Variants in ITGA8 observed in about 807,000 individuals in gnomAD.
ITGA8 encodes the protein integrin alpha-8.
ITGA8 carries 91 observed loss-of-function variants against 142.3 expected under a neutral mutation model. That is an observed-to-expected ratio of 0.64 (90% CI 0.54 to 0.76). The LOEUF is 0.76. ITGA8 is among the 30% of genes least tolerant of loss of function. ITGA8 has a pLI of 0.00. For synonymous variants in ITGA8, 505 were observed against 485.2 expected (o/e 1.04, Z -0.54); for missense variants, 1,406 against 1,327.7 (o/e 1.06, Z -0.92).
intron 10 of ITGA8, among the ~76,000 whole-genome samples, chr10:15,657,093 T>A (rs572369832): frequency 6.6e-6 from 1 of 152,328 alleles, no homozygotes; most frequent in African/African-American, 2.4e-5. Context: ...TGGCCTTTAC[T>A]CAGAGGAATT....
chr10:15,673,065 T>TTTTG (rs201950238), intron 6 of ITGA8, among the ~76,000 whole-genome samples: 45 of 152,162 alleles, frequency 3.0e-4, no homozygotes, highest in Admixed American at 4.6e-4. Flanking sequence ...GTGATGTAAT[T>TTTTG]TTTGTTTGTT....
rs188816962 is a variant in ITGA8 at position 15,719,438 on chromosome 10, G to C, written c.209+125C>G. 2.7e-4 allele frequency: 215 copies of C among 795,352 alleles called. 2 individuals carry two copies. The African/African-American group carries it at 3.4e-3, about 12-fold the overall frequency. 49.3% of individuals were successfully genotyped at this position (795,352 alleles called of 1,614,324 possible). On this transcript the variant is annotated intron_variant, in intron 1 of 29. Transcript: ENST00000378076. ...AGGGGCTGGTGGCGGGGAGAGGGAC[G>C]GGACCCCGGGCAGGCGGCAGGACGG...
chr10:15,719,586 G>A lies in ITGA8; in HGVS notation c.186C>T (p.Asp62=). 1 of 1,562,320 alleles carries A rather than the reference G, an allele frequency of 6.4e-7. No homozygotes were observed. Among genetic ancestry groups the A allele is most frequent in the Non-Finnish European group, 8.6e-7 (1 of 1,162,050 alleles). ...PKGSYFGYAV[D]FHIPDARTAS... Reference sequence around the variant, plus strand: ...ACGTGCGGGCGTCGGGTATGTGGAAGTCCACGGCGTAGCCGAAGTAGCTGC... The same window carrying A: ...ACGTGCGGGCGTCGGGTATGTGGAAATCCACGGCGTAGCCGAAGTAGCTGC... Residue 62 remains aspartate (D), a synonymous_variant, in exon 1 of 30, where the codon GAC becomes GAT. Coordinates refer to ENST00000378076, the MANE Select transcript of ITGA8 (RefSeq NM_003638.3).
chr10:15,564,228 A>G lies in ITGA8; in HGVS notation c.2638-6026T>C, dbSNP rs4360597. On this transcript the variant is annotated intron_variant, in intron 25 of 29. Coordinates refer to ENST00000378076, the MANE Select transcript of ITGA8 (RefSeq NM_003638.3). ...AATAGCTTGCAAACCAGCTTTCTGA[A>G]ATGACATTCCAGAAATTATTTAAAA... 2.7e-3 allele frequency among the ~76,000 whole-genome samples: 407 copies of G among 152,342 alleles called. 7 individuals carry two copies. Among genetic ancestry groups the G allele is most frequent in the Admixed American group, 0.017 (264 of 15,306 alleles).
intron 22 of ITGA8, among the ~76,000 whole-genome samples, chr10:15,591,221 T>G (rs1374268949): frequency 1.3e-5 from 2 of 151,932 alleles, no homozygotes; most frequent in African/African-American, 4.8e-5. Flanking sequence ...ATTTAATAGT[T>G]AGAGCAAGGG....
At chr10:15,699,022 A>G (rs1446273873) in intron 2 of ITGA8, among the ~76,000 whole-genome samples, 2 of 152,230 alleles carry the variant, frequency 1.3e-5, no homozygotes, top group African/African-American at 4.8e-5. Context: ...ACAGTGGCTC[A>G]TGCCTGTAAT....
At chr10:15,571,481 T>C (rs952787956) in intron 25 of ITGA8, among the ~76,000 whole-genome samples, 1 of 152,258 alleles carries the variant, frequency 6.6e-6, no homozygotes, top group African/African-American at 2.4e-5. Context: ...CTTATGCTAA[T>C]TAATTTCTTT....
In ITGA8 at chr10:15,606,332, C is replaced by T; in HGVS notation, c.1855G>A (p.Val619Met). 2 of 1,612,314 alleles carry T rather than the reference C, an allele frequency of 1.2e-6. No individual in the cohort carries two copies. Among genetic ancestry groups the T allele is most frequent in the Non-Finnish European group, 1.7e-6 (2 of 1,178,520 alleles). ...DESTFKEGLE[V>M]KPILNYYREN... ...CTGTAGTAGTTCAATATTGGTTTCA[C>T]TTCCAGGCCTTCTTTAAAGGTGGAT... The change falls in exon 18 of 30, where the codon GTG becomes ATG. Residue 619 changes from valine to methionine, a missense_variant. Transcript: ENST00000378076.
At chr10:15,646,054 G>A (rs890586475) in intron 12 of ITGA8, among the ~76,000 whole-genome samples, 14 of 152,074 alleles carry the variant, frequency 9.2e-5, no homozygotes, top group African/African-American at 3.1e-4. Context: ...TATTTGTCTT[G>A]ACATATAGAA....
At chr10:15,538,883 C>A (rs2131549704) in intron 27 of ITGA8, among the ~76,000 whole-genome samples, 1 of 149,652 alleles carries the variant, frequency 6.7e-6, no homozygotes, top group East Asian at 2.0e-4. Context: ...GAACTCAGGA[C>A]AACTTGTATT....
At chr10:15,692,556 G>A (rs1483838906) in intron 2 of ITGA8, among the ~76,000 whole-genome samples, 1 of 152,098 alleles carries the variant, frequency 6.6e-6, no homozygotes, top group African/African-American at 2.4e-5. Context: ...ATGGGATTCT[G>A]CCTACTCTGA....
intron 2 of ITGA8, 57 bp downstream of exon 2, chr10:15,718,709 A>T: frequency 6.3e-7 from 1 of 1,598,726 alleles, no homozygotes; most frequent in African/African-American, 1.3e-5. Context: ...CGCCTCTGGG[A>T]TGGCCCTGGT....
intron 2 of ITGA8, among the ~76,000 whole-genome samples, chr10:15,711,184 T>C (rs1003540682): frequency 1.3e-5 from 2 of 152,200 alleles, no homozygotes; most frequent in Non-Finnish European, 2.9e-5. Flanking sequence ...ATGCAACGTG[T>C]TTGCATTCAC....
intron 2 of ITGA8, among the ~76,000 whole-genome samples, chr10:15,697,452 A>C (rs1334401245): frequency 3.3e-5 from 5 of 152,178 alleles, no homozygotes; most frequent in Admixed American, 3.3e-4. Flanking sequence ...GGTTGCCACC[A>C]TCAGGAATTA....
At chr10:15,573,514 C>T (rs1037344989) in intron 24 of ITGA8, among the ~76,000 whole-genome samples, 1 of 151,570 alleles carries the variant, frequency 6.6e-6, no homozygotes, top group Non-Finnish European at 1.5e-5. Flanking sequence ...AAGCTTTGAT[C>T]CAGCTTTGGA....
chr10:15,582,863 C>G (rs1183212545), intron 23 of ITGA8, among the ~76,000 whole-genome samples: 2 of 152,362 alleles, frequency 1.3e-5, no homozygotes, highest in East Asian at 3.9e-4. Context: ...TTCTGGAAAA[C>G]AGTTGCACAG....
At position 15,554,883 on chromosome 10, in the gene ITGA8, G is replaced by A. The variant is rs548114213; in HGVS notation, c.2766+3191C>T. Reference sequence around the variant, plus strand: ...GGAAAAGCAAAAACCTTTTTTGCAAGGCAGAGAGGGAGAGAGAAAGCAAAG... The same window carrying A: ...GGAAAAGCAAAAACCTTTTTTGCAAAGCAGAGAGGGAGAGAGAAAGCAAAG... On this transcript the variant is annotated intron_variant, in intron 26 of 29. Coordinates refer to ENST00000378076, the MANE Select transcript of ITGA8 (RefSeq NM_003638.3). 5.3e-5 allele frequency among the ~76,000 whole-genome samples: 8 copies of A among 152,036 alleles called. No homozygotes were observed. The South Asian group carries it at 1.7e-3, about 32-fold the overall frequency.
chr10:15,652,528 C>T (rs576162344), intron 11 of ITGA8, among the ~76,000 whole-genome samples: 6 of 151,224 alleles, frequency 4.0e-5, no homozygotes, highest in Non-Finnish European at 5.9e-5. Context: ...GAAAACTGGA[C>T]GGCATGCTAT....
intron 12 of ITGA8, among the ~76,000 whole-genome samples, chr10:15,644,636 C>A (rs570563888): frequency 6.7e-6 from 1 of 149,906 alleles, no homozygotes. Flanking sequence ...GCCATAGAGA[C>A]GTTTCTTTTT....
Sources: gnomAD v4.1 joint callset for allele counts (sites outside exome capture counted in the v4.1 genomes callset) on GRCh38, gnomAD v4.1.1 for gene constraint, MANE v1.5 for transcripts, NCBI Gene and HGNC (gene_info 2026-07-23, HGNC 2026-07-21) for gene names.